The following TENM2 variants were observed in gnomAD, a reference collection of about 807,000 sequenced individuals.
TENM2 encodes teneurin-2.
In TENM2, 52 loss-of-function variants were observed where a neutral mutation model predicts 245.2. The observed-to-expected ratio is 0.21, with a 90% CI of 0.17 to 0.27. The LOEUF is 0.27. Among genes scored for constraint, TENM2 ranks in the 10% least tolerant of loss-of-function variants. The pLI, the probability that TENM2 is intolerant of heterozygous loss-of-function variation, is 1.00. For synonymous variants in TENM2, 1,363 were observed against 1,438.9 expected, an observed-to-expected ratio of 0.95 and a Z score of 1.19; for missense variants, 3,046 against 3,666.8, an observed-to-expected ratio of 0.83 and a Z score of 4.37.
At chr5:167,961,141 T>C (rs1359633998) in intron 4 of TENM2, among the ~76,000 whole-genome samples, 1 of 152,254 alleles carries the variant, frequency 6.6e-6, no homozygotes, top group African/African-American at 2.4e-5. Context: ...GCTGTTCCTA[T>C]TCGGCCATCT....
intron 3 of TENM2, among the ~76,000 whole-genome samples, chr5:167,943,545 T>C (rs999437017): frequency 6.6e-6 from 1 of 152,172 alleles, no homozygotes; most frequent in Non-Finnish European, 1.5e-5. Context: ...TTATCTTTCA[T>C]GGGTAGGGAA....
At chr5:167,960,964 C>T (rs928323125) in intron 4 of TENM2, among the ~76,000 whole-genome samples, 9 of 152,214 alleles carry the variant, frequency 5.9e-5, no homozygotes, top group Admixed American at 4.6e-4. Context: ...AGTTCCCTGA[C>T]CCCTTGTGCT....
chr5:167,280,867 C>T (rs963345916), upstream of TENM2, among the ~76,000 whole-genome samples: 3 of 151,838 alleles, frequency 2.0e-5, no homozygotes, highest in African/African-American at 4.8e-5. Context: ...AGGGAACTCA[C>T]CACTGTTGTT....
intron 1 of TENM2, among the ~76,000 whole-genome samples, chr5:167,286,384 C>T (rs1381782355): frequency 6.6e-6 from 1 of 152,110 alleles, no homozygotes; most frequent in Non-Finnish European, 1.5e-5. Context: ...GGATCAAATG[C>T]CTTTGATCTG....
At chr5:167,310,007 T>A (rs765362959) in intron 1 of TENM2, 1 of 152,226 alleles carries the variant, frequency 6.6e-6, no homozygotes, top group Non-Finnish European at 1.5e-5. Context: ...AATATATGAT[T>A]ACCCTTTCTT....
intron 7 of TENM2, among the ~76,000 whole-genome samples, chr5:168,080,792 G>A (rs1329088731): frequency 1.3e-5 from 2 of 152,206 alleles, no homozygotes; most frequent in Non-Finnish European, 2.9e-5. Flanking sequence ...TGTGGTCTGA[G>A]AAATAGTTTG....
At chr5:167,287,644 A>G (rs1754367103) in intron 1 of TENM2, 2 of 152,224 alleles carry the variant, frequency 1.3e-5, no homozygotes, top group Admixed American at 6.5e-5. Flanking sequence ...AGAACCTGCC[A>G]TCTCCCAGCA....
At chr5:167,751,950 T>C (rs1761982425) in intron 2 of TENM2, among the ~76,000 whole-genome samples, 1 of 131,472 alleles carries the variant, frequency 7.6e-6, no homozygotes. Context: ...TCTGTGAAAA[T>C]AATACACACA....
In TENM2 at chr5:168,151,595, C is replaced by G. The variant is rs372041596; in HGVS notation, c.2423-11016C>G. Among the ~76,000 whole-genome samples the G allele has an allele frequency of 3.7e-4, 56 of 152,340 alleles. 1 individual carries two copies. The South Asian group carries it at 9.7e-3, about 26-fold the overall frequency. The stretch of plus-strand genomic sequence containing the variant: ...ATGGAGAAACTAAGGAATTGAAGAG[C>G]TTATGATTTTTACCCAAGATCATGC... On this transcript the variant is annotated intron_variant, in intron 12 of 28. Transcript: ENST00000518659.
At chr5:167,332,307 C>T (rs1359232284) in intron 1 of TENM2, among the ~76,000 whole-genome samples, 1 of 152,094 alleles carries the variant, frequency 6.6e-6, no homozygotes, top group Non-Finnish European at 1.5e-5. Flanking sequence ...ATTATCAATA[C>T]CTTTTATGCC....
At chr5:167,913,877 G>A (rs1438931554) in intron 3 of TENM2, among the ~76,000 whole-genome samples, 1 of 152,224 alleles carries the variant, frequency 6.6e-6, no homozygotes, top group Non-Finnish European at 1.5e-5. Flanking sequence ...CAGTAAAATG[G>A]ACATATGCAC....
intron 1 of TENM2, among the ~76,000 whole-genome samples, chr5:167,343,953 G>A (rs1038650928): frequency 6.6e-6 from 1 of 151,458 alleles, no homozygotes; most frequent in African/African-American, 2.4e-5. Flanking sequence ...AGAGTGGAAA[G>A]GAAACTTAAA....
intron 4 of TENM2, among the ~76,000 whole-genome samples, chr5:167,986,109 G>T (rs890000566): frequency 6.6e-6 from 1 of 152,174 alleles, no homozygotes; most frequent in Non-Finnish European, 1.5e-5. Flanking sequence ...GACAATGCAT[G>T]CCCTTAATTT....
At chr5:167,083,690 A>T in the TENM2 span, among the ~76,000 whole-genome samples, 1 of 152,144 alleles carries the variant, frequency 6.6e-6, no homozygotes, top group Non-Finnish European at 1.5e-5. Flanking sequence ...CACTCCTGGG[A>T]AGACCATTAG....
intron 3 of TENM2, among the ~76,000 whole-genome samples, chr5:167,897,642 A>C (rs1408443766): frequency 6.6e-6 from 1 of 152,196 alleles, no homozygotes; most frequent in Non-Finnish European, 1.5e-5. Flanking sequence ...AGGAAGAGAA[A>C]CCGCATTTTT....
chr5:168,196,080 G>C (rs2152521862), intron 15 of TENM2, among the ~76,000 whole-genome samples: 1 of 152,248 alleles, frequency 6.6e-6, no homozygotes, highest in East Asian at 1.9e-4. Context: ...GGGAACTGTG[G>C]CTACCAATCT....
intron 2 of TENM2, among the ~76,000 whole-genome samples, chr5:167,609,613 A>G (rs2127746394): frequency 6.6e-6 from 1 of 152,036 alleles, no homozygotes; most frequent in African/African-American, 2.4e-5. Context: ...TCAAGTGAAG[A>G]CTAAATCATG....
intron 7 of TENM2, among the ~76,000 whole-genome samples, chr5:168,081,038 G>A (rs1419561108): frequency 6.6e-6 from 1 of 152,134 alleles, no homozygotes; most frequent in Non-Finnish European, 1.5e-5. Flanking sequence ...GGGTGTTAAA[G>A]TCTCCCATTA....
intron 3 of TENM2, among the ~76,000 whole-genome samples, chr5:167,933,224 TG>T (rs1235306721): frequency 2.6e-5 from 4 of 152,240 alleles, no homozygotes; most frequent in African/African-American, 7.2e-5. Flanking sequence ...CTCTATACTT[TG>T]TTAGGCCTTC....
Sources: allele counts gnomAD v4.1 joint callset (sites outside exome capture counted in the v4.1 genomes callset), GRCh38; gene constraint gnomAD v4.1.1; transcripts MANE v1.5; gene names NCBI Gene and HGNC (gene_info 2026-07-23, HGNC 2026-07-21).